The following SCG5 variants were observed in gnomAD, a reference collection of about 807,000 sequenced individuals.
SCG5 encodes the protein secretogranin V, also known as neuroendocrine protein 7B2.
SCG5 carries 18 observed loss-of-function variants against 25.7 expected under a neutral mutation model. That is an observed-to-expected ratio of 0.70 (90% CI 0.48 to 1.04). SCG5 has a LOEUF of 1.04. Ranked by LOEUF, SCG5 falls within the 50% of genes least tolerant of loss-of-function variation. The probability of loss-of-function intolerance (pLI) is 0.00; values close to 1 mark genes in which losing one functional copy is unlikely to be tolerated. For missense variants in SCG5, 206 were observed against 259.8 expected, an observed-to-expected ratio of 0.79 and a Z score of 1.42; for synonymous variants, 101 against 91.7, an observed-to-expected ratio of 1.10 and a Z score of -0.58.
At chr15:32,690,621 A>C (rs1387589685) in intron 4 of SCG5, among the ~76,000 whole-genome samples, 4 of 152,218 alleles carry the variant, frequency 2.6e-5, no homozygotes, top group Admixed American at 2.6e-4. Context: ...GTTGGGCAAG[A>C]GATATGCATT....
At chr15:32,668,635 C>G (rs1360353580) in intron 2 of SCG5, among the ~76,000 whole-genome samples, 1 of 152,226 alleles carries the variant, frequency 6.6e-6, no homozygotes, top group Non-Finnish European at 1.5e-5. Context: ...TCCTGCTAAC[C>G]CTTATCCACA....
In SCG5 at chr15:32,684,683, C is replaced by T. The variant is rs2054674097; in HGVS notation, c.489+14C>T. ...TTGGGCAAGTGGGTAAGTCCTATCTCAATTGTTAGTAGATTTTGCACTTTG... is the reference window on the plus strand; with the variant it reads ...TTGGGCAAGTGGGTAAGTCCTATCTTAATTGTTAGTAGATTTTGCACTTTG... On this transcript the variant is annotated intron_variant, in intron 4 of 5. Coordinates refer to ENST00000300175, the MANE Select transcript of SCG5 (RefSeq NM_001144757.3). 1 of 1,568,742 alleles carries T rather than the reference C, an allele frequency of 6.4e-7. No individual in the cohort carries two copies. Among genetic ancestry groups the T allele is most frequent in the Non-Finnish European group, 8.8e-7 (1 of 1,140,892 alleles).
At position 32,696,800 on chromosome 15, in the gene SCG5, G is replaced by T; in HGVS notation, c.*191G>T. On this transcript the variant is annotated 3_prime_UTR_variant, in exon 6 of 6. Coordinates refer to ENST00000300175, the MANE Select transcript of SCG5 (RefSeq NM_001144757.3). The stretch of plus-strand genomic sequence containing the variant: ...TGCTTTTTGCTAAATTAGAATAAGA[G>T]CTTTTTTGTTTCTTGGGTTTTTAAA... 1 of 427,164 alleles carries T rather than the reference G, an allele frequency of 2.3e-6. No homozygotes were observed. Among genetic ancestry groups the T allele is most frequent in the East Asian group, 3.4e-5 (1 of 29,064 alleles). The allele number at this position is 427,164 out of a possible 1,614,324, so 26.5% of individuals were successfully genotyped here.
intron 5 of SCG5, among the ~76,000 whole-genome samples, chr15:32,693,969 G>A (rs2054910835): frequency 6.6e-6 from 1 of 152,110 alleles, no homozygotes; most frequent in South Asian, 2.1e-4. Flanking sequence ...AATTAGCCGG[G>A]CGTGGTGGTA....
chr15:32,648,902 G>C (rs1002346773), intron 2 of SCG5, among the ~76,000 whole-genome samples: 4 of 151,988 alleles, frequency 2.6e-5, no homozygotes, highest in Non-Finnish European at 5.9e-5. Context: ...CTCCCCAGTA[G>C]CTGGGACTAC....
At chr15:32,655,749 G>A (rs921518115) in intron 2 of SCG5, among the ~76,000 whole-genome samples, 46 of 152,140 alleles carry the variant, frequency 3.0e-4, no homozygotes, top group African/African-American at 8.0e-4. Context: ...CCTTTCCACC[G>A]TGGGAGAACA....
intron 2 of SCG5, among the ~76,000 whole-genome samples, chr15:32,645,696 T>G (rs565482528): frequency 8.9e-4 from 136 of 152,070 alleles, no homozygotes; most frequent in Non-Finnish European, 1.8e-3. Context: ...GTACAACTAT[T>G]ATGTACCCAC....
intron 5 of SCG5, among the ~76,000 whole-genome samples, chr15:32,695,399 C>G (rs1453506961): frequency 6.6e-6 from 1 of 151,970 alleles, no homozygotes; most frequent in African/African-American, 2.4e-5. Context: ...AATTTTTCTT[C>G]TGCTTGCTAA....
intron 1 of SCG5, 34 bp from the exon 2 acceptor site, chr15:32,643,552 G>A: frequency 6.7e-7 from 1 of 1,486,918 alleles, no homozygotes; most frequent in Non-Finnish European, 9.4e-7. Flanking sequence ...GCCGATTGTA[G>A]CCTATCAGTA....
intron 5 of SCG5, 105 bp from the exon 6 acceptor site, chr15:32,696,409 G>A (rs1331501356): frequency 2.6e-5 from 21 of 793,814 alleles, no homozygotes; most frequent in South Asian, 2.0e-4. Context: ...GAGCCACCGC[G>A]CCCGGCCCCA....
Position 32,690,522 on chromosome 15 carries a change from G to A in SCG5, c.490-1188G>A, listed in dbSNP as rs549828334. 3.3e-5 allele frequency among the ~76,000 whole-genome samples: 5 copies of A among 152,328 alleles called. No homozygotes were observed. The South Asian group carries it at 8.3e-4, about 25-fold the overall frequency. On this transcript the variant is annotated intron_variant, in intron 4 of 5. Coordinates refer to ENST00000300175, the MANE Select transcript of SCG5 (RefSeq NM_001144757.3). ...GATATTAAATTGATTTATTCCCCAA[G>A]TGAGCAGGAGATAGAGGCTGTAGCC... is the stretch of plus-strand genomic sequence containing the variant.
Position 32,696,552 on chromosome 15 carries a change from T to A in SCG5, c.582T>A (p.Asn194Lys). ...ATCTACAAGGACAGAGACTGGATAA[T>A]GTTGTTGCAAAGAAGTCTGTCCCCC... ...NPYLQGQRLD[N>K]VVAKKSVPHF... The change falls in exon 6 of 6, where the codon AAT (asparagine) becomes AAA (lysine). Residue 194 changes from asparagine (N) to lysine (K), a missense_variant. Transcript: ENST00000300175. 1 of 1,613,274 alleles carries A rather than the reference T, an allele frequency of 6.2e-7. No individual in the cohort carries two copies. Among genetic ancestry groups the A allele is most frequent in the Non-Finnish European group, 8.5e-7 (1 of 1,179,556 alleles).
At chr15:32,657,209 A>ATATATATATATATATATATATATG in intron 2 of SCG5, among the ~76,000 whole-genome samples, 2,094 of 38,612 alleles carry the variant, frequency 0.054, 612 homozygotes, top group Non-Finnish European at 0.079. Context: ...GTATATATAT[A>ATATATATATATATATATATATATG]TATGTATGTA....
chr15:32,685,621 AC>A (rs2054695881), intron 4 of SCG5, among the ~76,000 whole-genome samples: 1 of 152,226 alleles, frequency 6.6e-6, no homozygotes, highest in African/African-American at 2.4e-5. Flanking sequence ...TGGAAGAGAT[AC>A]CATCAGATGA....
At chr15:32,648,750 T>C (rs773847844) in intron 2 of SCG5, among the ~76,000 whole-genome samples, 1 of 148,162 alleles carries the variant, frequency 6.7e-6, no homozygotes, top group Non-Finnish European at 1.5e-5. Context: ...AGCACCCCCC[T>C]ACATTCTCTG....
chr15:32,686,630 A>C (rs1186592188), intron 4 of SCG5, among the ~76,000 whole-genome samples: 1 of 151,850 alleles, frequency 6.6e-6, no homozygotes, highest in Non-Finnish European at 1.5e-5. Flanking sequence ...TAGATTGCGG[A>C]GGAGTACTGG....
chr15:32,677,271 A>G (rs542214256), intron 2 of SCG5, among the ~76,000 whole-genome samples: 9 of 152,230 alleles, frequency 5.9e-5, no homozygotes, highest in Non-Finnish European at 1.2e-4. Context: ...TGTTGCCTGA[A>G]TGCGGGGGCT....
chr15:32,691,711 A>G lies in SCG5; in HGVS notation c.491A>G (p.Asn164Ser), dbSNP rs1480622382. The G allele has an allele frequency of 6.2e-7, 1 of 1,606,740 alleles. No individual in the cohort carries two copies. Among genetic ancestry groups the G allele is most frequent in the Non-Finnish European group, 8.5e-7 (1 of 1,177,160 alleles). The change falls in exon 5 of 6, where the codon AAC becomes AGC. Residue 164 changes from asparagine (N) to serine (S), a missense_variant and splice_region_variant. By Grantham distance (46) the Asn-to-Ser change is conservative. Coordinates refer to ENST00000300175, the MANE Select transcript of SCG5 (RefSeq NM_001144757.3). ...TGTTTTCTTTTCTCCCCATTCTAGA[A>G]CAAGAAACTCCTTTACGAGAAGATG... is the stretch of plus-strand genomic sequence containing the variant. ...EHDYPGLGKW[N>S]KKLLYEKMKG...
At chr15:32,673,757 G>A (rs981071826) in intron 2 of SCG5, among the ~76,000 whole-genome samples, 5 of 152,064 alleles carry the variant, frequency 3.3e-5, no homozygotes, top group East Asian at 1.9e-4. Context: ...GTTTTGAGAC[G>A]GAGTCTCACT....
Sources: allele counts gnomAD v4.1 joint callset (sites outside exome capture counted in the v4.1 genomes callset), GRCh38; gene constraint gnomAD v4.1.1; transcripts MANE v1.5; gene names NCBI Gene and HGNC (gene_info 2026-07-23, HGNC 2026-07-21).